PTPRD: variants seen among roughly 807,000 people sequenced by gnomAD.
PTPRD encodes the protein receptor-type tyrosine-protein phosphatase delta.
Under a neutral mutation model 214.5 loss-of-function variants are expected in PTPRD, and 34 were observed. The ratio of observed to expected loss-of-function variants is 0.16; its 90% CI spans 0.12 to 0.21. PTPRD has a LOEUF of 0.21. Ranked by LOEUF, PTPRD falls within the 10% of genes least tolerant of loss-of-function variation. The pLI, the probability that PTPRD is intolerant of heterozygous loss-of-function variation, is 1.00. For missense variants in PTPRD, 2,545 were observed against 2,398.7 expected, an observed-to-expected ratio of 1.06 and a Z score of -1.27; for synonymous variants, 1,128 against 845.7, an observed-to-expected ratio of 1.33 and a Z score of -5.79.
chr9:9,003,137 T>C (rs1176597554), intron 11 of PTPRD, among the ~76,000 whole-genome samples: 1 of 152,066 alleles, frequency 6.6e-6, no homozygotes, highest in Non-Finnish European at 1.5e-5. Flanking sequence ...TTAACTATTA[T>C]TGAAAGGTTT....
At chr9:10,239,595 G>A (rs2099640339) in intron 3 of PTPRD, among the ~76,000 whole-genome samples, 2 of 130,438 alleles carry the variant, frequency 1.5e-5, no homozygotes, top group African/African-American at 5.1e-5. Context: ...TAATAGGGTT[G>A]ATAACAGCTG....
intron 29 of PTPRD, 38 bp from the exon 30 acceptor site, chr9:8,484,416 T>C (rs750041261): frequency 3.8e-6 from 6 of 1,572,766 alleles, no homozygotes; most frequent in Non-Finnish European, 4.3e-6. Context: ...AATCTGGTTA[T>C]CAGAGAGGCA....
chr9:8,817,859 T>C (rs1305552005), intron 11 of PTPRD, among the ~76,000 whole-genome samples: 1 of 152,166 alleles, frequency 6.6e-6, no homozygotes, highest in East Asian at 1.9e-4. Context: ...CTCCAAAACA[T>C]TTGACAACTA....
intron 10 of PTPRD, among the ~76,000 whole-genome samples, chr9:9,108,801 G>T (rs1030252252): frequency 6.6e-6 from 1 of 152,174 alleles, no homozygotes; most frequent in Non-Finnish European, 1.5e-5. Flanking sequence ...CAAGCACTGT[G>T]TAACTGCTGA....
chr9:8,653,249 C>T (rs75309732), intron 12 of PTPRD, among the ~76,000 whole-genome samples: 4,645 of 152,218 alleles, frequency 0.031, 252 homozygotes, highest in African/African-American at 0.11. Flanking sequence ...CTCCAATTCG[C>T]TACATAAATG....
intron 9 of PTPRD, among the ~76,000 whole-genome samples, chr9:9,319,019 T>A (rs1964983858): frequency 6.6e-6 from 1 of 152,226 alleles, no homozygotes; most frequent in Non-Finnish European, 1.5e-5. Flanking sequence ...TTAAGTAAGC[T>A]TTCCTCAAAC....
At chr9:10,029,628 AACGGCT>A (rs1589262785) in intron 4 of PTPRD, among the ~76,000 whole-genome samples, 2 of 152,160 alleles carry the variant, frequency 1.3e-5, no homozygotes, top group East Asian at 3.9e-4. Flanking sequence ...TCCCATTTGG[AACGGCT>A]GTATTTCCCC....
chr9:9,229,611 T>A (rs182584076), intron 9 of PTPRD, among the ~76,000 whole-genome samples: 1 of 152,252 alleles, frequency 6.6e-6, no homozygotes, highest in East Asian at 1.9e-4. Context: ...TCGGGTTTAC[T>A]CTCAGACCAA....
chr9:8,630,901 TA>T (rs1488923047), intron 14 of PTPRD, among the ~76,000 whole-genome samples: 1 of 151,124 alleles, frequency 6.6e-6, no homozygotes, highest in Non-Finnish European at 1.5e-5. Context: ...TGACTGCCAT[TA>T]ATTCCTTTTA....
intron 6 of PTPRD, among the ~76,000 whole-genome samples, chr9:9,762,233 T>C (rs1207251888): frequency 6.6e-6 from 1 of 152,204 alleles, no homozygotes; most frequent in Non-Finnish European, 1.5e-5. Context: ...CCTATTGTCC[T>C]GTCAAGTCCA....
chr9:9,522,674 A>AT (rs1212376355), intron 8 of PTPRD, among the ~76,000 whole-genome samples: 1 of 152,136 alleles, frequency 6.6e-6, no homozygotes, highest in Non-Finnish European at 1.5e-5. Context: ...TCTAATCATA[A>AT]TAAAAAAGAA....
intron 9 of PTPRD, among the ~76,000 whole-genome samples, chr9:9,230,256 G>A (rs1368594338): frequency 6.6e-6 from 1 of 152,110 alleles, no homozygotes; most frequent in African/African-American, 2.4e-5. Flanking sequence ...TGATTCTAAA[G>A]AGGAGGTAGG....
intron 2 of PTPRD, among the ~76,000 whole-genome samples, chr9:10,475,695 A>G (rs1036560309): frequency 6.6e-6 from 1 of 152,130 alleles, no homozygotes. Flanking sequence ...ATTTCAGGCC[A>G]ATATCCCTGA....
chr9:9,091,950 C>T (rs1202573344), intron 10 of PTPRD, among the ~76,000 whole-genome samples: 1 of 152,134 alleles, frequency 6.6e-6, no homozygotes, highest in Non-Finnish European at 1.5e-5. Flanking sequence ...TTCTATCTGC[C>T]AGGATTAGAC....
intron 2 of PTPRD, among the ~76,000 whole-genome samples, chr9:10,555,911 T>G (rs959653783): frequency 9.2e-5 from 14 of 151,950 alleles, no homozygotes; most frequent in African/African-American, 3.1e-4. Context: ...GGCAGAAGAA[T>G]AAAGAGCGTG....
Position 8,775,765 on chromosome 9 carries a change from C to T in PTPRD, c.-103-41819G>A, listed in dbSNP as rs186583872. ...TTGGGAGGCCAAGGCAGGAGGATTACTTGAGCTCAGGAGTTCAAGACCAGC... is the reference window on the plus strand; with the variant it reads ...TTGGGAGGCCAAGGCAGGAGGATTATTTGAGCTCAGGAGTTCAAGACCAGC... On this transcript the variant is annotated intron_variant, in intron 11 of 45. Transcript: ENST00000381196. Among the ~76,000 whole-genome samples the T allele has an allele frequency of 2.6e-3, 392 of 151,706 alleles. 2 individuals carry two copies. The highest frequency in any genetic ancestry group is 7.2e-3 in the African/African-American group (298 of 41,310).
chr9:10,488,186 T>C (rs572251734), intron 2 of PTPRD, among the ~76,000 whole-genome samples: 1 of 151,842 alleles, frequency 6.6e-6, no homozygotes, highest in South Asian at 2.1e-4. Context: ...GCTAACACGA[T>C]GAAACCCCAT....
At chr9:9,632,536 C>T (rs1482489332) in intron 7 of PTPRD, among the ~76,000 whole-genome samples, 7 of 151,956 alleles carry the variant, frequency 4.6e-5, no homozygotes, top group African/African-American at 9.7e-5. Context: ...ATATTGTTCA[C>T]TTGCAAATGG....
chr9:8,699,163 T>G (rs1229361268), intron 12 of PTPRD, among the ~76,000 whole-genome samples: 1 of 152,180 alleles, frequency 6.6e-6, no homozygotes, highest in African/African-American at 2.4e-5. Context: ...GTGATGAAAT[T>G]CCGATGAAGT....
Sources: allele counts gnomAD v4.1 joint callset (sites outside exome capture counted in the v4.1 genomes callset), GRCh38; gene constraint gnomAD v4.1.1; transcripts MANE v1.5; gene names NCBI Gene and HGNC (gene_info 2026-07-23, HGNC 2026-07-21).